The following LRRC4C variants were observed in gnomAD, a reference collection of about 807,000 sequenced individuals.
LRRC4C encodes leucine-rich repeat-containing protein 4C.
LRRC4C carries 5 observed loss-of-function variants against 33.6 expected under a neutral mutation model. That is an observed-to-expected ratio of 0.15 (90% confidence interval 0.08 to 0.31). LRRC4C has a LOEUF of 0.31. Ranked by LOEUF, LRRC4C falls within the 10% of genes least tolerant of loss-of-function variation. The pLI is 1.00. For missense variants in LRRC4C, 560 were observed against 796.7 expected (o/e 0.70, Z 3.58); for synonymous variants, 329 against 302.0 (o/e 1.09, Z -0.93).
intron 3 of LRRC4C, among the ~76,000 whole-genome samples, chr11:40,546,537 C>A (rs549963394): frequency 2.0e-4 from 31 of 152,100 alleles, no homozygotes; most frequent in African/African-American, 7.2e-4. Context: ...TCATTAATAT[C>A]ATTGCCATTG....
chr11:41,331,995 A>G (rs1311066453), intron 1 of LRRC4C, among the ~76,000 whole-genome samples: 1 of 152,194 alleles, frequency 6.6e-6, no homozygotes, highest in Non-Finnish European at 1.5e-5. Context: ...CAAAGTACAT[A>G]TTACTTCTTA....
intron 5 of LRRC4C, among the ~76,000 whole-genome samples, chr11:40,204,802 G>A (rs1265639941): frequency 1.3e-5 from 2 of 152,140 alleles, no homozygotes; most frequent in African/African-American, 4.8e-5. Context: ...ACTCCCTATT[G>A]CAATATCCTT....
intron 1 of LRRC4C, among the ~76,000 whole-genome samples, chr11:41,272,582 C>T (rs1949355357): frequency 1.3e-5 from 2 of 152,020 alleles, no homozygotes; most frequent in Admixed American, 1.3e-4. Flanking sequence ...ACCATGCTAG[C>T]TCTTATGGTT....
chr11:40,634,723 A>T (rs12225401), intron 3 of LRRC4C, among the ~76,000 whole-genome samples: 1 of 149,950 alleles, frequency 6.7e-6, no homozygotes. Context: ...AAGAAAATAA[A>T]AAAAAAAAAT....
intron 3 of LRRC4C, among the ~76,000 whole-genome samples, chr11:40,453,875 A>G (rs1323865288): frequency 6.6e-6 from 1 of 152,182 alleles, no homozygotes; most frequent in African/African-American, 2.4e-5. Flanking sequence ...CTTAGATAGC[A>G]GTGTTGCATA....
chr11:41,052,230 A>T (rs754618505), intron 1 of LRRC4C, among the ~76,000 whole-genome samples: 2 of 152,188 alleles, frequency 1.3e-5, no homozygotes, highest in Non-Finnish European at 2.9e-5. Flanking sequence ...TTGCAAATAT[A>T]AAAAACTCTC....
intron 2 of LRRC4C, among the ~76,000 whole-genome samples, chr11:40,803,004 T>C (rs1361919708): frequency 1.3e-5 from 2 of 152,326 alleles, no homozygotes; most frequent in South Asian, 2.1e-4. Context: ...CATGGCAGTG[T>C]AATTTAATAA....
At chr11:40,573,379 C>A (rs1461572778) in intron 3 of LRRC4C, among the ~76,000 whole-genome samples, 1 of 152,126 alleles carries the variant, frequency 6.6e-6, no homozygotes, top group Non-Finnish European at 1.5e-5. Context: ...GCCTCTCTGA[C>A]TATAGGAAAG....
rs117047785 is a variant in LRRC4C, at chr11:40,597,835, C to T, written c.-270+50307G>A. 3.9e-4 allele frequency among the ~76,000 whole-genome samples: 60 copies of T among 152,232 alleles called. 1 individual carries two copies. The East Asian group carries it at 0.011, about 28-fold the overall frequency. ...TAATACAGTAACGAAAAGGGATTTG[C>T]AGTCAATGAGAGCTCAGTAACATGA... On this transcript the variant is annotated intron_variant, in intron 3 of 6. Transcript: ENST00000528697.
intron 4 of LRRC4C, among the ~76,000 whole-genome samples, chr11:40,300,467 T>G (rs959237369): frequency 1.3e-5 from 2 of 152,214 alleles, no homozygotes; most frequent in Admixed American, 1.3e-4. Context: ...CTTAACTAAC[T>G]TACAAACTCA....
intron 5 of LRRC4C, among the ~76,000 whole-genome samples, chr11:40,198,404 T>C (rs913908122): frequency 1.3e-5 from 2 of 152,214 alleles, no homozygotes; most frequent in Admixed American, 6.5e-5. Flanking sequence ...TCATTTACTT[T>C]CCCTCCTCGA....
chr11:41,337,971 A>G (rs942840425), intron 1 of LRRC4C, among the ~76,000 whole-genome samples: 2 of 152,254 alleles, frequency 1.3e-5, no homozygotes, highest in Non-Finnish European at 2.9e-5. Context: ...AATGCAAATC[A>G]AAACCACAAT....
intron 4 of LRRC4C, among the ~76,000 whole-genome samples, chr11:40,278,867 G>T (rs1225541478): frequency 6.6e-6 from 1 of 152,102 alleles, no homozygotes; most frequent in African/African-American, 2.4e-5. Context: ...GGGGTGCACT[G>T]ACCCTCTACT....
rs945779281 is a variant in LRRC4C, at chr11:40,532,585, G to C, written c.-270+115557C>G. ...GAGGACCACAATTCAGAGACACAGG[G>C]ATATCTAGTGTCATGTAAGGGGTAT... On this transcript the variant is annotated intron_variant, in intron 3 of 6. Transcript: ENST00000528697. 2.6e-5 allele frequency among the ~76,000 whole-genome samples: 4 copies of C among 152,034 alleles called. No homozygotes were observed. The South Asian group carries it at 6.2e-4, about 24-fold the overall frequency.
intron 3 of LRRC4C, among the ~76,000 whole-genome samples, chr11:40,390,276 ATC>A (rs1188592615): frequency 6.6e-6 from 1 of 152,200 alleles, no homozygotes; most frequent in Non-Finnish European, 1.5e-5. Context: ...CATCAAACAT[ATC>A]TCATTAAAGA....
At chr11:40,765,519 A>G (rs1242665604) in intron 2 of LRRC4C, among the ~76,000 whole-genome samples, 1 of 152,190 alleles carries the variant, frequency 6.6e-6, no homozygotes, top group Non-Finnish European at 1.5e-5. Flanking sequence ...GAGATGTGTT[A>G]CCTTTCAGGC....
At chr11:40,748,911 G>T (rs909601120) in intron 2 of LRRC4C, among the ~76,000 whole-genome samples, 3 of 151,986 alleles carry the variant, frequency 2.0e-5, no homozygotes, top group African/African-American at 7.2e-5. Context: ...ATTAAAAAGG[G>T]ATCACTGCAG....
intron 3 of LRRC4C, among the ~76,000 whole-genome samples, chr11:40,432,877 T>G (rs561885028): frequency 6.6e-6 from 1 of 152,338 alleles, no homozygotes; most frequent in Admixed American, 6.5e-5. Flanking sequence ...AGAGATACAC[T>G]TTTTAAGACC....
At chr11:41,026,500 T>C (rs1856371142) in intron 1 of LRRC4C, among the ~76,000 whole-genome samples, 1 of 151,582 alleles carries the variant, frequency 6.6e-6, no homozygotes, top group African/African-American at 2.4e-5. Context: ...TAAACTTAGT[T>C]GATAAAGCAG....
Sources: gnomAD v4.1 joint callset for allele counts (sites outside exome capture counted in the v4.1 genomes callset) on GRCh38, gnomAD v4.1.1 for gene constraint, MANE v1.5 for transcripts, NCBI Gene and HGNC (gene_info 2026-07-23, HGNC 2026-07-21) for gene names.